Variants in GPATCH2 observed in about 807,000 individuals in gnomAD.
GPATCH2 encodes G-patch domain containing 2.
Under a neutral mutation model 58.0 loss-of-function variants are expected in GPATCH2, and 51 were observed. The ratio of observed to expected loss-of-function variants is 0.88; its 90% CI spans 0.70 to 1.11. The LOEUF (loss-of-function observed/expected upper bound fraction) is 1.11. Among genes scored for constraint, GPATCH2 ranks in the 50% most tolerant of loss-of-function variants. The pLI is 0.00. For missense variants in GPATCH2, 625 were observed against 652.2 expected (o/e 0.96, Z 0.45); for synonymous variants, 222 against 218.5 (o/e 1.02, Z -0.14).
chr1:217,574,403 C>T (rs1182664837), intron 5 of GPATCH2, among the ~76,000 whole-genome samples: 1 of 152,134 alleles, frequency 6.6e-6, no homozygotes, highest in Admixed American at 6.5e-5. Context: ...CTAGGAATCT[C>T]CTAGAGCTCT....
chr1:217,505,628 A>T (rs1044383493), intron 6 of GPATCH2, among the ~76,000 whole-genome samples: 11 of 152,168 alleles, frequency 7.2e-5, no homozygotes, highest in Non-Finnish European at 1.6e-4. Context: ...ACTTTTCAGA[A>T]GGAAAGAGCT....
chr1:217,491,764 T>A lies in GPATCH2; in HGVS notation c.1207-14A>T. 2 of 1,112,076 alleles carry A rather than the reference T, an allele frequency of 1.8e-6. No individual in the cohort carries two copies. The highest frequency in any genetic ancestry group is 2.6e-6 in the Non-Finnish European group (2 of 764,018). The allele number at this position is 1,112,076 out of a possible 1,614,324, so 68.9% of individuals were successfully genotyped here. A position where few individuals can be genotyped will look rare whatever the true frequency, so the allele number is the denominator to read the frequency against. On this transcript the variant is annotated splice_polypyrimidine_tract_variant and intron_variant, in intron 7 of 9. Coordinates refer to ENST00000366935, the MANE Select transcript of GPATCH2 (RefSeq NM_018040.5). ...CAGAAGCTGATGCTACACAAAGTGT[T>A]AAGACAAAGTCATAGAAACAAAAAT...
intron 8 of GPATCH2, among the ~76,000 whole-genome samples, chr1:217,472,354 T>C (rs1660764408): frequency 7.0e-6 from 1 of 143,542 alleles, no homozygotes; most frequent in South Asian, 2.2e-4. Flanking sequence ...CAGGCTGGAG[T>C]GCAGTGGCCT....
chr1:217,521,808 C>A (rs757020044), intron 5 of GPATCH2, among the ~76,000 whole-genome samples: 17 of 152,026 alleles, frequency 1.1e-4, no homozygotes, highest in Non-Finnish European at 2.2e-4. Flanking sequence ...AAAAAAATAG[C>A]CAAAGATAAA....
intron 7 of GPATCH2, among the ~76,000 whole-genome samples, chr1:217,497,467 AG>A (rs1187152798): frequency 1.3e-5 from 2 of 152,140 alleles, no homozygotes; most frequent in African/African-American, 2.4e-5. Flanking sequence ...AAAATAAAGA[AG>A]GGTTCAAAAT....
intron 5 of GPATCH2, among the ~76,000 whole-genome samples, chr1:217,518,260 G>A (rs1663274437): frequency 6.6e-6 from 1 of 152,110 alleles, no homozygotes; most frequent in African/African-American, 2.4e-5. Flanking sequence ...AAATAAGAAT[G>A]TAGTAGCAAG....
chr1:217,452,709 A>C (rs1401556150), intron 8 of GPATCH2, among the ~76,000 whole-genome samples: 3 of 152,118 alleles, frequency 2.0e-5, no homozygotes, highest in Non-Finnish European at 2.9e-5. Context: ...CATTTTGGGT[A>C]TCTTCACAGA....
At chr1:217,474,136 TA>T (rs1660863652) in intron 8 of GPATCH2, among the ~76,000 whole-genome samples, 1 of 152,068 alleles carries the variant, frequency 6.6e-6, no homozygotes, top group African/African-American at 2.4e-5. Context: ...CTGCTTATGG[TA>T]ACTGATGCCA....
chr1:217,576,091 T>G (rs1666790720), intron 5 of GPATCH2, among the ~76,000 whole-genome samples: 1 of 152,142 alleles, frequency 6.6e-6, no homozygotes, highest in Non-Finnish European at 1.5e-5. Context: ...TACACACATA[T>G]GTACACAAAC....
intron 3 of GPATCH2, among the ~76,000 whole-genome samples, chr1:217,613,644 A>G (rs1020876866): frequency 2.6e-5 from 4 of 152,158 alleles, no homozygotes; most frequent in African/African-American, 9.6e-5. Context: ...TGGAAAACAT[A>G]TAAGTTGCAA....
intron 5 of GPATCH2, among the ~76,000 whole-genome samples, chr1:217,591,811 T>G (rs1448916996): frequency 6.6e-6 from 1 of 152,104 alleles, no homozygotes; most frequent in Non-Finnish European, 1.5e-5. Context: ...TTATCATTTT[T>G]TATTTAAAGA....
chr1:217,581,033 A>G lies in GPATCH2; in HGVS notation c.1098+29288T>C, dbSNP rs1191860642. Among the ~76,000 whole-genome samples the G allele has an allele frequency of 6.6e-5, 10 of 151,172 alleles. 4 individuals carry two copies. The highest frequency in any genetic ancestry group is 9.7e-5 in the African/African-American group (4 of 41,144). ...TCCGTCTCAAAAAAAAAAAAAAAAA[A>G]AAAGAAAGGCAGAATCTCAAGTTCC... is the stretch of plus-strand genomic sequence containing the variant. On this transcript the variant is annotated intron_variant, in intron 5 of 9. Transcript: ENST00000366935.
At chr1:217,567,051 T>A (rs1229776091) in intron 5 of GPATCH2, among the ~76,000 whole-genome samples, 1 of 150,966 alleles carries the variant, frequency 6.6e-6, no homozygotes, top group African/African-American at 2.4e-5. Flanking sequence ...TCTGGCTTTT[T>A]TTTTTTTTTT....
intron 1 of GPATCH2, among the ~76,000 whole-genome samples, chr1:217,629,767 C>T (rs1452257065): frequency 1.3e-5 from 2 of 152,186 alleles, no homozygotes; most frequent in Admixed American, 6.5e-5. Flanking sequence ...TTAAAAAATG[C>T]TCCCTACTTT....
chr1:217,447,265 C>T (rs1269959953), intron 9 of GPATCH2, among the ~76,000 whole-genome samples: 14 of 152,104 alleles, frequency 9.2e-5, no homozygotes, highest in Admixed American at 9.2e-4. Flanking sequence ...AAACTTAAGG[C>T]ATATAGTAGT....
intron 5 of GPATCH2, among the ~76,000 whole-genome samples, chr1:217,518,289 AG>A (rs1184362203): frequency 6.6e-6 from 1 of 152,212 alleles, no homozygotes; most frequent in Non-Finnish European, 1.5e-5. Context: ...ATTTAACAAT[AG>A]TTGTACAAGT....
intron 8 of GPATCH2, among the ~76,000 whole-genome samples, chr1:217,462,409 G>A (rs1202627927): frequency 2.6e-5 from 4 of 152,082 alleles, no homozygotes; most frequent in Non-Finnish European, 4.4e-5. Context: ...TACTGTTTAA[G>A]TGACTATTTT....
intron 8 of GPATCH2, among the ~76,000 whole-genome samples, chr1:217,463,257 AAC>A (rs1310951935): frequency 1.3e-5 from 2 of 152,210 alleles, no homozygotes; most frequent in African/African-American, 4.8e-5. Context: ...AACATGGCAG[AAC>A]ACAGCACACC....
chr1:217,524,968 T>A (rs1663810242), intron 5 of GPATCH2, among the ~76,000 whole-genome samples: 1 of 113,074 alleles, frequency 8.8e-6, no homozygotes, highest in Non-Finnish European at 1.9e-5. Context: ...CTCAGCAGCT[T>A]CCTAATAATA....
Sources: gnomAD v4.1 joint callset for allele counts (sites outside exome capture counted in the v4.1 genomes callset) on GRCh38, gnomAD v4.1.1 for gene constraint, MANE v1.5 for transcripts, NCBI Gene and HGNC (gene_info 2026-07-23, HGNC 2026-07-21) for gene names.